KIRREL3: variants seen among roughly 807,000 people sequenced by gnomAD.
KIRREL3 encodes kin of IRRE-like protein 3.
A neutral mutation model predicts 89.7 loss-of-function variants in KIRREL3; 36 were observed. The observed-to-expected ratio is 0.40, with a 90% CI of 0.31 to 0.53. The LOEUF (loss-of-function observed/expected upper bound fraction) is 0.53, where lower values mean the gene tolerates loss of function less well. KIRREL3 is among the 20% of genes least tolerant of loss of function. The probability of loss-of-function intolerance (pLI) is 0.49; values close to 1 mark genes in which losing one functional copy is unlikely to be tolerated. For synonymous variants in KIRREL3, 445 were observed against 441.4 expected, an observed-to-expected ratio of 1.01 and a Z score of -0.10; for missense variants, 864 against 1,056.6, an observed-to-expected ratio of 0.82 and a Z score of 2.53.
Position 126,496,831 on chromosome 11 carries a change from G to C in KIRREL3, c.434-23365C>G, listed in dbSNP as rs76967660. On this transcript the variant is annotated intron_variant, in intron 4 of 16. Coordinates refer to ENST00000525144, the MANE Select transcript of KIRREL3 (RefSeq NM_032531.4). This position sits in a 1 kb window ranked among gnomAD's most constrained non-coding sequence, Gnocchi z 4.9. ...GACTGAGACATAGGTCACAAATCTA[G>C]GAGACTTCTCTCTGGGGCCTCTGGA... Among the ~76,000 whole-genome samples the C allele has an allele frequency of 0.012, 1,782 of 152,240 alleles. 32 individuals are homozygous for C. Among genetic ancestry groups the C allele is most frequent in the African/African-American group, 0.039 (1,627 of 41,534 alleles).
In KIRREL3 at chr11:126,496,337, G is replaced by A. The variant is rs1957654722; in HGVS notation, c.434-22871C>T. On this transcript the variant is annotated intron_variant, in intron 4 of 16. Transcript: ENST00000525144. This position sits in a 1 kb window ranked among gnomAD's most constrained non-coding sequence, Gnocchi z 4.9. ...AGAACCCTGAACACTGGTAAGGCAGGCATTCTTAGTCCTCACTTTATAGAT... is the reference window on the plus strand; with the variant it reads ...AGAACCCTGAACACTGGTAAGGCAGACATTCTTAGTCCTCACTTTATAGAT... Among the ~76,000 whole-genome samples, 2 of 152,168 alleles carry A rather than the reference G, an allele frequency of 1.3e-5. No individual in the cohort carries two copies. Among genetic ancestry groups the A allele is most frequent in the African/African-American group, 4.8e-5 (2 of 41,442 alleles).
At position 126,783,393 on chromosome 11, in the gene KIRREL3, C is replaced by T. The variant is rs149564717; in HGVS notation, c.55+217062G>A. Among the ~76,000 whole-genome samples, 1 of 152,274 alleles carries T rather than the reference C, an allele frequency of 6.6e-6. No homozygotes were observed. The highest frequency in any genetic ancestry group is 1.5e-5 in the Non-Finnish European group (1 of 68,028). On this transcript the variant is annotated intron_variant, in intron 1 of 16. Transcript: ENST00000525144. The surrounding 1 kb of genome is among the most constrained non-coding windows in gnomAD (Gnocchi z 4.3). ...ACTTCATCCTAACTAGTGACACCTG[C>T]AATATCCCTGCTTCAAAATAAGGTC...
At position 126,805,657 on chromosome 11, in the gene KIRREL3, T is replaced by G. The variant is rs568391378; in HGVS notation, c.55+194798A>C. 2.8e-4 allele frequency among the ~76,000 whole-genome samples: 43 copies of G among 152,288 alleles called. No individual in the cohort carries two copies. The highest frequency in any genetic ancestry group is 9.1e-4 in the African/African-American group (38 of 41,558). ...TCAGGGTGATTGCTAAACTCCACAGTACAAAGTATGTAATAGATATTACGT... is the reference window on the plus strand; with the variant it reads ...TCAGGGTGATTGCTAAACTCCACAGGACAAAGTATGTAATAGATATTACGT... On this transcript the variant is annotated intron_variant, in intron 1 of 16. Coordinates refer to ENST00000525144, the MANE Select transcript of KIRREL3 (RefSeq NM_032531.4). This position sits in a 1 kb window ranked among gnomAD's most constrained non-coding sequence, Gnocchi z 4.3.
rs1261728580 is a variant in KIRREL3 at position 126,615,382 on chromosome 11, C to G, written c.56-52470G>C. 6.6e-6 allele frequency among the ~76,000 whole-genome samples: 1 copy of G among 152,124 alleles called. No individual in the cohort carries two copies. The highest frequency in any genetic ancestry group is 2.4e-5 in the African/African-American group (1 of 41,424). On this transcript the variant is annotated intron_variant, in intron 1 of 16. Transcript: ENST00000525144. The surrounding 1 kb of genome is among the most constrained non-coding windows in gnomAD (Gnocchi z 5.4). The stretch of plus-strand genomic sequence containing the variant: ...TCTTGCTTTATCTTGTTTAACTCTC[C>G]TAATGCTTTAGAAGTAAGTATATTT...
At chr11:126,493,191 G>T (rs1475082042) in intron 4 of KIRREL3, among the ~76,000 whole-genome samples, 4 of 152,186 alleles carry the variant, frequency 2.6e-5, no homozygotes, top group Non-Finnish European at 5.9e-5. Flanking sequence ...GGGACCACAG[G>T]CATTGAGCCC....
At chr11:126,952,213 C>T (rs1173498434) in intron 1 of KIRREL3, among the ~76,000 whole-genome samples, 1 of 152,116 alleles carries the variant, frequency 6.6e-6, no homozygotes, top group East Asian at 1.9e-4. Context: ...CAGTGAGACC[C>T]TGTCTCTACC....
At position 126,898,958 on chromosome 11, in the gene KIRREL3, A is replaced by G. The variant is rs1345926271; in HGVS notation, c.55+101497T>C. On this transcript the variant is annotated intron_variant, in intron 1 of 16. Transcript: ENST00000525144. This position sits in a 1 kb window ranked among gnomAD's most constrained non-coding sequence, Gnocchi z 4.9. ...CTCCAAACCTCCTTTATCCTCTTGA[A>G]CAATCAGAGGGGGATGCTGTAAGAT... Among the ~76,000 whole-genome samples the G allele has an allele frequency of 1.3e-5, 2 of 151,818 alleles. No individual in the cohort carries two copies. The highest frequency in any genetic ancestry group is 4.8e-5 in the African/African-American group (2 of 41,272).
rs1949245002 is a variant in KIRREL3, at chr11:126,748,922, G to A, written c.56-186010C>T. Among the ~76,000 whole-genome samples, 1 of 152,130 alleles carries A rather than the reference G, an allele frequency of 6.6e-6. No individual in the cohort carries two copies. Among genetic ancestry groups the A allele is most frequent in the Non-Finnish European group, 1.5e-5 (1 of 68,024 alleles). ...TAATTCCTTCTCAGTTCATTGCCTC[G>A]TAGGTGGGAGAGCCGCTTAGGTCCT... On this transcript the variant is annotated intron_variant, in intron 1 of 16. Transcript: ENST00000525144. This position sits in a 1 kb window ranked among gnomAD's most constrained non-coding sequence, Gnocchi z 4.6.
At position 126,867,394 on chromosome 11, in the gene KIRREL3, T is replaced by C. The variant is rs77911019; in HGVS notation, c.55+133061A>G. ...AGCCATCAGGCTTCCCATTCGGCTG[T>C]TCTCCAGCTTGGAATGCTGTTTCTC... On this transcript the variant is annotated intron_variant, in intron 1 of 16. Coordinates refer to ENST00000525144, the MANE Select transcript of KIRREL3 (RefSeq NM_032531.4). This position sits in a 1 kb window ranked among gnomAD's most constrained non-coding sequence, Gnocchi z 4.7. 1.7e-3 allele frequency among the ~76,000 whole-genome samples: 260 copies of C among 152,272 alleles called. 1 individual carries two copies. Among genetic ancestry groups the C allele is most frequent in the African/African-American group, 6.0e-3 (249 of 41,560 alleles).
At chr11:126,901,682 T>C (rs1363680248) in intron 1 of KIRREL3, among the ~76,000 whole-genome samples, 3 of 152,316 alleles carry the variant, frequency 2.0e-5, no homozygotes, top group Non-Finnish European at 4.4e-5. Context: ...GATGTCCACA[T>C]ACAGATGATG....
At position 126,754,050 on chromosome 11, in the gene KIRREL3, G is replaced by A. The variant is rs1239816257; in HGVS notation, c.56-191138C>T. Among the ~76,000 whole-genome samples, 2 of 152,122 alleles carry A rather than the reference G, an allele frequency of 1.3e-5. No individual in the cohort carries two copies. Among genetic ancestry groups the A allele is most frequent in the Non-Finnish European group, 2.9e-5 (2 of 68,036 alleles). ...TAGTTAACAATGTAAGATACATGATGGCTGCTAAACAATTTGGTGGCAGAA... is the reference window on the plus strand; with the variant it reads ...TAGTTAACAATGTAAGATACATGATAGCTGCTAAACAATTTGGTGGCAGAA... On this transcript the variant is annotated intron_variant, in intron 1 of 16. Transcript: ENST00000525144. This position sits in a 1 kb window ranked among gnomAD's most constrained non-coding sequence, Gnocchi z 5.1.
At chr11:126,964,338 C>T (rs1209485838) in intron 1 of KIRREL3, among the ~76,000 whole-genome samples, 1 of 152,158 alleles carries the variant, frequency 6.6e-6, no homozygotes, top group East Asian at 1.9e-4. Context: ...CATCTGCAGA[C>T]ACAGGCTGGG....
chr11:126,648,345 G>A (rs763965373), intron 1 of KIRREL3, among the ~76,000 whole-genome samples: 1 of 152,146 alleles, frequency 6.6e-6, no homozygotes, highest in African/African-American at 2.4e-5. Context: ...AACTCACCAG[G>A]CATGCTCCTG....
chr11:126,740,181 G>C lies in KIRREL3; in HGVS notation c.56-177269C>G, dbSNP rs377050073. On this transcript the variant is annotated intron_variant, in intron 1 of 16. Coordinates refer to ENST00000525144, the MANE Select transcript of KIRREL3 (RefSeq NM_032531.4). The surrounding 1 kb of genome is among the most constrained non-coding windows in gnomAD (Gnocchi z 6.0). ...TATTTTCAAGATATTATTTTTTAGA[G>C]GTGGCATCTAATTATGTTTTCTCTC... Among the ~76,000 whole-genome samples, 1 of 151,932 alleles carries C rather than the reference G, an allele frequency of 6.6e-6. No individual in the cohort carries two copies. The highest frequency in any genetic ancestry group is 1.5e-5 in the Non-Finnish European group (1 of 67,986).
chr11:126,899,169 CTATA>C (rs145812391), intron 1 of KIRREL3, among the ~76,000 whole-genome samples: 1 of 150,410 alleles, frequency 6.6e-6, no homozygotes, highest in Admixed American at 6.6e-5. Context: ...GGGAGATTTC[CTATA>C]TATATATATA....
chr11:126,567,633 C>A (rs1035735901), intron 1 of KIRREL3, among the ~76,000 whole-genome samples: 2 of 152,184 alleles, frequency 1.3e-5, no homozygotes, highest in Admixed American at 1.3e-4. Flanking sequence ...CTAAGGAGAC[C>A]CCAGGGTGGC....
Position 126,484,440 on chromosome 11 carries a change from A to G in KIRREL3, c.434-10974T>C, listed in dbSNP as rs1425874641. ...TCCTTTAATCCTCACAGCTCTATAT[A>G]AGGTAGATACAATGACGATGCATAT... On this transcript the variant is annotated intron_variant, in intron 4 of 16. Coordinates refer to ENST00000525144, the MANE Select transcript of KIRREL3 (RefSeq NM_032531.4). This position sits in a 1 kb window ranked among gnomAD's most constrained non-coding sequence, Gnocchi z 5.2. 6.6e-6 allele frequency among the ~76,000 whole-genome samples: 1 copy of G among 152,226 alleles called. No homozygotes were observed. The highest frequency in any genetic ancestry group is 2.4e-5 in the African/African-American group (1 of 41,462).
intron 1 of KIRREL3, among the ~76,000 whole-genome samples, chr11:126,718,816 G>T (rs1948064418): frequency 6.6e-6 from 1 of 152,104 alleles, no homozygotes; most frequent in Non-Finnish European, 1.5e-5. Flanking sequence ...CACCACCCCG[G>T]CCAGGAGCCC....
intron 1 of KIRREL3, among the ~76,000 whole-genome samples, chr11:126,785,377 T>G (rs1299422114): frequency 6.6e-6 from 1 of 152,190 alleles, no homozygotes; most frequent in Non-Finnish European, 1.5e-5. Context: ...TTCCCAAGAC[T>G]GGCCCCACCT....
Sources: gnomAD v4.1 joint callset for allele counts (sites outside exome capture counted in the v4.1 genomes callset) on GRCh38, gnomAD v4.1.1 for gene constraint, Gnocchi (gnomAD v3.1) non-coding constraint, MANE v1.5 for transcripts, NCBI Gene and HGNC (gene_info 2026-07-23, HGNC 2026-07-21) for gene names.